Variants in PPP2R5E observed in about 807,000 individuals in gnomAD.
PPP2R5E encodes the protein protein phosphatase 2 regulatory subunit B'epsilon.
A neutral mutation model predicts 65.3 loss-of-function variants in PPP2R5E; 4 were observed. That is an observed-to-expected ratio of 0.06 (90% CI 0.03 to 0.14). The LOEUF (loss-of-function observed/expected upper bound fraction) is 0.14, where lower values mean the gene tolerates loss of function less well. Among genes scored for constraint, PPP2R5E ranks in the 10% least tolerant of loss-of-function variants. The probability of loss-of-function intolerance (pLI) is 1.00; values close to 1 mark genes in which losing one functional copy is unlikely to be tolerated. For missense variants in PPP2R5E, 274 were observed against 556.1 expected (o/e 0.49, Z 5.10); for synonymous variants, 183 against 187.4 (o/e 0.98, Z 0.19).
chr14:63,471,735 A>G (rs959503825), intron 2 of PPP2R5E, among the ~76,000 whole-genome samples: 1 of 152,202 alleles, frequency 6.6e-6, no homozygotes, highest in Admixed American at 6.5e-5. Flanking sequence ...GACCTCCACA[A>G]TCTGGCACCT....
rs1196188923 is a variant in PPP2R5E at position 63,391,984 on chromosome 14, T to C, written c.891A>G (p.Ser297=). 1 of 1,611,010 alleles carries C rather than the reference T, an allele frequency of 6.2e-7. No homozygotes were observed. The change falls in exon 9 of 14, where the codon TCA becomes TCG. Residue 297 remains serine (S), a synonymous_variant. Coordinates refer to ENST00000337537, the MANE Select transcript of PPP2R5E (RefSeq NM_006246.5). ...AAAAAAGACTTACTGGTTCTGTGAG[T>C]GAAGGATCTTTCTCCAGAAACTGTA... ...CIVQFLEKDP[S]LTEPVIRGLM... is the part of the protein sequence containing the mutation.
chr14:63,521,692 T>C (rs1234646112), intron 2 of PPP2R5E, among the ~76,000 whole-genome samples: 3 of 152,144 alleles, frequency 2.0e-5, no homozygotes, highest in Non-Finnish European at 2.9e-5. Context: ...GTTGTATCAG[T>C]TGTAGGTGGA....
intron 5 of PPP2R5E, among the ~76,000 whole-genome samples, chr14:63,401,685 G>C (rs1474669522): frequency 6.6e-6 from 1 of 152,122 alleles, no homozygotes; most frequent in Non-Finnish European, 1.5e-5. Context: ...GAAAGAATAA[G>C]AATAGAAGAA....
chr14:63,446,808 G>C (rs1235585414), intron 3 of PPP2R5E, among the ~76,000 whole-genome samples: 1 of 142,442 alleles, frequency 7.0e-6, no homozygotes, highest in Non-Finnish European at 1.5e-5. Flanking sequence ...CAGCCTGGGG[G>C]ACAGAGTGAG....
chr14:63,416,880 C>A (rs150718659), intron 4 of PPP2R5E, among the ~76,000 whole-genome samples: 16 of 152,184 alleles, frequency 1.1e-4, no homozygotes, highest in African/African-American at 3.9e-4. Context: ...CAAAGAAAAT[C>A]AAGGCTGACG....
rs531114556 is a variant in PPP2R5E at position 63,462,624 on chromosome 14, A to C, written c.158-8739T>G. On this transcript the variant is annotated intron_variant, in intron 2 of 13. Coordinates refer to ENST00000337537, the MANE Select transcript of PPP2R5E (RefSeq NM_006246.5). ...GTAGGTACGTAATGTTAGTTGAGTA[A>C]GTAAATTCTACATATTTGCATCTTA... Among the ~76,000 whole-genome samples, 12 of 152,302 alleles carry C rather than the reference A, an allele frequency of 7.9e-5. No homozygotes were observed. In the South Asian group the frequency reaches 2.5e-3, roughly 32 times the overall value.
intron 2 of PPP2R5E, among the ~76,000 whole-genome samples, chr14:63,518,329 A>G (rs989612357): frequency 1.3e-5 from 2 of 151,928 alleles, no homozygotes; most frequent in African/African-American, 4.8e-5. Flanking sequence ...GCAGCCTCAA[A>G]CTCCTGGGTT....
chr14:63,534,857 C>T (rs1412022152), intron 2 of PPP2R5E, among the ~76,000 whole-genome samples: 1 of 152,086 alleles, frequency 6.6e-6, no homozygotes, highest in African/African-American at 2.4e-5. Flanking sequence ...TGGGCTTAAG[C>T]GAGCCTCCCA....
intron 3 of PPP2R5E, among the ~76,000 whole-genome samples, chr14:63,449,647 G>A (rs1303987183): frequency 6.6e-6 from 1 of 152,036 alleles, no homozygotes; most frequent in African/African-American, 2.4e-5. Flanking sequence ...ACCCTGATAT[G>A]CAAACAAAAG....
chr14:63,380,565 G>A (rs1048228145), intron 13 of PPP2R5E, among the ~76,000 whole-genome samples: 1 of 152,064 alleles, frequency 6.6e-6, no homozygotes, highest in Non-Finnish European at 1.5e-5. Context: ...AGGAGGCTGA[G>A]GCAGGAGAAT....
At chr14:63,392,891 C>T (rs191094722) in intron 8 of PPP2R5E, among the ~76,000 whole-genome samples, 1 of 152,188 alleles carries the variant, frequency 6.6e-6, no homozygotes, top group Admixed American at 6.5e-5. Context: ...TAAAATACTA[C>T]CCAATAACTT....
chr14:63,386,531 G>A (rs554539379), intron 11 of PPP2R5E, among the ~76,000 whole-genome samples: 64 of 152,268 alleles, frequency 4.2e-4, no homozygotes, highest in Admixed American at 7.8e-4. Context: ...TGTGACAGAT[G>A]CTATATCAGA....
intron 2 of PPP2R5E, among the ~76,000 whole-genome samples, chr14:63,498,873 A>G (rs1891714646): frequency 6.6e-6 from 1 of 152,064 alleles, no homozygotes; most frequent in Admixed American, 6.6e-5. Flanking sequence ...ATTAGAAACC[A>G]CTGGCAGAGA....
At chr14:63,498,071 G>A (rs1891669780) in intron 2 of PPP2R5E, among the ~76,000 whole-genome samples, 1 of 152,168 alleles carries the variant, frequency 6.6e-6, no homozygotes, top group African/African-American at 2.4e-5. Context: ...TGTCAATTCA[G>A]TCAACAAAAC....
intron 2 of PPP2R5E, among the ~76,000 whole-genome samples, chr14:63,513,998 G>A (rs991232438): frequency 1.3e-5 from 2 of 152,216 alleles, no homozygotes; most frequent in African/African-American, 4.8e-5. Context: ...ATATTTCAAG[G>A]AGAGCTGCAA....
intron 3 of PPP2R5E, 26 bp downstream of exon 3, chr14:63,453,663 G>A (rs773885201): frequency 6.0e-5 from 97 of 1,604,062 alleles, no homozygotes; most frequent in Non-Finnish European, 7.2e-5. Context: ...GCTTAAAAGT[G>A]TCCGCGGAGA....
chr14:63,528,722 A>T (rs2139750087), intron 2 of PPP2R5E, among the ~76,000 whole-genome samples: 1 of 152,318 alleles, frequency 6.6e-6, no homozygotes, highest in East Asian at 1.9e-4. Flanking sequence ...TGCAAAAAAA[A>T]AATAAACTGT....
chr14:63,484,390 G>C (rs915968318), intron 2 of PPP2R5E, among the ~76,000 whole-genome samples: 3 of 123,946 alleles, frequency 2.4e-5, no homozygotes, highest in Admixed American at 7.7e-5. Flanking sequence ...CACACACAAA[G>C]AATCGTATCA....
chr14:63,414,627 C>T (rs973202389), intron 5 of PPP2R5E, among the ~76,000 whole-genome samples: 1 of 152,184 alleles, frequency 6.6e-6, no homozygotes, highest in Admixed American at 6.5e-5. Context: ...CAAATGGAGA[C>T]ATGAGAGTTA....
Sources: allele counts gnomAD v4.1 joint callset (sites outside exome capture counted in the v4.1 genomes callset), GRCh38; gene constraint gnomAD v4.1.1; transcripts MANE v1.5; gene names NCBI Gene and HGNC (gene_info 2026-07-23, HGNC 2026-07-21).